FKTN: variants seen among roughly 807,000 people sequenced by gnomAD.
The protein encoded by FKTN is ribitol-5-phosphate transferase FKTN.
In FKTN, 47 loss-of-function variants were observed where a neutral mutation model predicts 58.6. The ratio of observed to expected loss-of-function variants is 0.80; its 90% CI spans 0.63 to 1.02. The LOEUF is 1.02. Ranked by LOEUF, FKTN falls within the 50% of genes least tolerant of loss-of-function variation. The pLI is 0.00. For missense variants in FKTN, 516 were observed against 537.3 expected, an observed-to-expected ratio of 0.96 and a Z score of 0.39; for synonymous variants, 178 against 191.9, an observed-to-expected ratio of 0.93 and a Z score of 0.60.
At chr9:105,603,141 A>G (rs1828199127) in intron 5 of FKTN, among the ~76,000 whole-genome samples, 1 of 152,040 alleles carries the variant, frequency 6.6e-6, no homozygotes, top group South Asian at 2.1e-4. Flanking sequence ...AATTCTGCCT[A>G]TTTTGTCTGT....
chr9:105,575,761 T>A (rs923793825), intron 3 of FKTN, among the ~76,000 whole-genome samples: 9 of 152,002 alleles, frequency 5.9e-5, no homozygotes, highest in African/African-American at 1.2e-4. Context: ...AGAAAAAAAA[T>A]TTTTTTTGTT....
chr9:105,592,031 A>G lies in FKTN; in HGVS notation c.106-4567A>G, dbSNP rs76904788. Among the ~76,000 whole-genome samples the G allele has an allele frequency of 9.1e-3, 1,382 of 152,354 alleles. 22 individuals are homozygous for G. Among genetic ancestry groups the G allele is most frequent in the African/African-American group, 0.032 (1,324 of 41,578 alleles). ...ACTCAGGGTGGCAGGCACTGGGCGT[A>G]GCCCACCAAACTATTCTTCCCTCCT... is the stretch of plus-strand genomic sequence containing the variant. On this transcript the variant is annotated intron_variant, in intron 3 of 10. Transcript: ENST00000357998.
At chr9:105,572,119 T>C (rs943583999) in intron 1 of FKTN, among the ~76,000 whole-genome samples, 2 of 152,172 alleles carry the variant, frequency 1.3e-5, no homozygotes, top group Non-Finnish European at 2.9e-5. Flanking sequence ...TTTTGGGAGA[T>C]ACAAAATAAT....
intron 7 of FKTN, among the ~76,000 whole-genome samples, chr9:105,612,794 G>A (rs1389245337): frequency 6.6e-6 from 1 of 151,914 alleles, no homozygotes; most frequent in Non-Finnish European, 1.5e-5. Flanking sequence ...GCGAAACCCC[G>A]GCTCTACAAA....
In FKTN at chr9:105,559,603, G is replaced by C. The variant is rs181180866; in HGVS notation, c.-181+1438G>C. Reference sequence around the variant, plus strand: ...TGAGGCTGAGGCAGGAGAATCGCTTGAACTTGGGAGGCAGAGGTTGCAGTG... The same window carrying C: ...TGAGGCTGAGGCAGGAGAATCGCTTCAACTTGGGAGGCAGAGGTTGCAGTG... On this transcript the variant is annotated intron_variant, in intron 1 of 10. Transcript: ENST00000357998. Among the ~76,000 whole-genome samples, 1,258 of 152,036 alleles carry C rather than the reference G, an allele frequency of 8.3e-3. 20 individuals are homozygous for C. Among genetic ancestry groups the C allele is most frequent in the African/African-American group, 0.029 (1,202 of 41,430 alleles).
chr9:105,558,831 G>A (rs1053850799), intron 1 of FKTN, among the ~76,000 whole-genome samples: 12 of 152,154 alleles, frequency 7.9e-5, no homozygotes, highest in Middle Eastern at 3.2e-3. Flanking sequence ...AATAGGGTTT[G>A]AACGATTGGA....
At chr9:105,590,358 C>T (rs1177864686) in intron 3 of FKTN, among the ~76,000 whole-genome samples, 1 of 152,158 alleles carries the variant, frequency 6.6e-6, no homozygotes, top group Non-Finnish European at 1.5e-5. Context: ...GCCTCCCCAG[C>T]TACTTGGAAC....
intron 1 of FKTN, among the ~76,000 whole-genome samples, chr9:105,563,551 T>C (rs1838724800): frequency 2.0e-5 from 3 of 152,008 alleles, no homozygotes; most frequent in African/African-American, 7.2e-5. Context: ...GCCTCACTCA[T>C]TTGTAGCACA....
rs1032907837 is a variant in FKTN, at chr9:105,636,417, T to C, written c.*1153T>C. 2.1e-5 allele frequency: 21 copies of C among 990,696 alleles called. No homozygotes were observed. Among genetic ancestry groups the C allele is most frequent in the Non-Finnish European group, 2.5e-5 (21 of 832,972 alleles). 61.4% of individuals were successfully genotyped at this position (990,696 alleles called of 1,614,324 possible). ...CAACTATTCACCCTACCTCAGATCATAGAGTTTGTAAAGTTTGTGTCCCTC... is the reference window on the plus strand; with the variant it reads ...CAACTATTCACCCTACCTCAGATCACAGAGTTTGTAAAGTTTGTGTCCCTC... On this transcript the variant is annotated 3_prime_UTR_variant, in exon 11 of 11. Transcript: ENST00000357998.
At chr9:105,575,248 C>T (rs1841458023) in intron 3 of FKTN, 111 bp downstream of exon 3, 1 of 737,620 alleles carries the variant, frequency 1.4e-6, no homozygotes, top group Non-Finnish European at 2.4e-6. Context: ...CAAATTCTTG[C>T]ATCTTTGCGA....
rs1834304738 is a variant in FKTN at position 105,639,869 on chromosome 9, G to C, written c.*4605G>C. On this transcript the variant is annotated 3_prime_UTR_variant, in exon 11 of 11. Coordinates refer to ENST00000357998, the MANE Select transcript of FKTN (RefSeq NM_001079802.2). ...CTGTACTTCACTAGATTTGGTACCTGCTCTCCCCTGGACTTCTTTTTCAAT... is the reference window on the plus strand; with the variant it reads ...CTGTACTTCACTAGATTTGGTACCTCCTCTCCCCTGGACTTCTTTTTCAAT... 11 of 1,362,284 alleles carry C rather than the reference G, an allele frequency of 8.1e-6. No homozygotes were observed. The highest frequency in any genetic ancestry group is 9.4e-6 in the Non-Finnish European group (10 of 1,060,758). The allele number at this position is 1,362,284 out of a possible 1,614,324, so 84.4% of individuals were successfully genotyped here. A position where few individuals can be genotyped will look rare whatever the true frequency, so the allele number is the denominator to read the frequency against.
intron 7 of FKTN, among the ~76,000 whole-genome samples, chr9:105,609,631 A>G (rs1829545929): frequency 6.6e-6 from 1 of 152,106 alleles, no homozygotes; most frequent in East Asian, 1.9e-4. Context: ...TTTCATGACT[A>G]ATACTTTGGA....
Position 105,563,605 on chromosome 9 carries a change from G to C in FKTN, c.-181+5440G>C, listed in dbSNP as rs957892293. ...GCAACGTGGCAGCGAGGCTGGGGGG[G>C]GGGGCACCCGCCATTGCTGAGGCTT... is the stretch of plus-strand genomic sequence containing the variant. On this transcript the variant is annotated intron_variant, in intron 1 of 10. Transcript: ENST00000357998. Among the ~76,000 whole-genome samples the C allele has an allele frequency of 9.9e-5, 15 of 152,074 alleles. No individual in the cohort carries two copies. The East Asian group carries it at 1.7e-3, about 18-fold the overall frequency.
intron 3 of FKTN, among the ~76,000 whole-genome samples, chr9:105,584,470 A>T (rs899944464): frequency 6.6e-6 from 1 of 151,988 alleles, no homozygotes; most frequent in Admixed American, 6.6e-5. Flanking sequence ...ACTTTTGATA[A>T]TAGGTAGACA....
At chr9:105,564,326 G>A (rs915203514) in intron 1 of FKTN, among the ~76,000 whole-genome samples, 1 of 152,214 alleles carries the variant, frequency 6.6e-6, no homozygotes, top group African/African-American at 2.4e-5. Flanking sequence ...GAGAGAAGAA[G>A]GCTTCAGACG....
chr9:105,589,764 C>T (rs956283702), intron 3 of FKTN, among the ~76,000 whole-genome samples: 1 of 152,130 alleles, frequency 6.6e-6, no homozygotes, highest in African/African-American at 2.4e-5. Flanking sequence ...ATAGAAGACA[C>T]AGCCTGTTCA....
chr9:105,615,227 C>T (rs1243917170), intron 7 of FKTN, 51 bp from the exon 8 acceptor site: 2 of 1,589,450 alleles, frequency 1.3e-6, no homozygotes, highest in South Asian at 2.2e-5. Flanking sequence ...CAGAAAGGTT[C>T]CTAGCAATTT....
intron 1 of FKTN, among the ~76,000 whole-genome samples, chr9:105,560,274 T>G (rs2131628060): frequency 6.6e-6 from 1 of 152,338 alleles, no homozygotes; most frequent in East Asian, 1.9e-4. Flanking sequence ...CAAATTTTAA[T>G]GTACATATGA....
chr9:105,638,327 C>T lies in FKTN; in HGVS notation c.*3063C>T. 3.0e-6 allele frequency: 3 copies of T among 985,436 alleles called. No individual in the cohort carries two copies. Among genetic ancestry groups the T allele is most frequent in the Non-Finnish European group, 3.6e-6 (3 of 829,926 alleles). 61.0% of individuals were successfully genotyped at this position (985,436 alleles called of 1,614,324 possible). A position where few individuals can be genotyped will look rare whatever the true frequency, so the allele number is the denominator to read the frequency against. Reference sequence around the variant, plus strand: ...TGTTCAGATTGAGAACCTAAGGCGACAGAGAGGTCAAGGGGAAGTATTTTC... The same window carrying T: ...TGTTCAGATTGAGAACCTAAGGCGATAGAGAGGTCAAGGGGAAGTATTTTC... On this transcript the variant is annotated 3_prime_UTR_variant, in exon 11 of 11. Transcript: ENST00000357998.
Sources: gnomAD v4.1 joint callset for allele counts (sites outside exome capture counted in the v4.1 genomes callset) on GRCh38, gnomAD v4.1.1 for gene constraint, MANE v1.5 for transcripts, NCBI Gene and HGNC (gene_info 2026-07-23, HGNC 2026-07-21) for gene names.